MAPK12: variants seen among roughly 807,000 people sequenced by gnomAD.
MAPK12 encodes mitogen-activated protein kinase 12, also known as MAP kinase 12.
MAPK12 carries 49 observed loss-of-function variants against 49.1 expected under a neutral mutation model. The observed-to-expected ratio is 1.00, with a 90% CI of 0.79 to 1.27. The LOEUF is 1.27. Ranked by LOEUF, MAPK12 falls within the 50% of genes most tolerant of loss-of-function variation. MAPK12 has a pLI of 0.00. For missense variants in MAPK12, 554 were observed against 502.4 expected (o/e 1.10, Z -0.98); for synonymous variants, 251 against 209.7 (o/e 1.20, Z -1.70).
At chr22:50,256,533 G>A in intron 6 of MAPK12, 66 bp downstream of exon 6, 1 of 1,562,078 alleles carries the variant, frequency 6.4e-7, no homozygotes, top group Non-Finnish European at 8.7e-7. Context: ...CTGACAGGTG[G>A]ATAGATGGGC....
At chr22:50,258,026 AG>A (rs771068214) in intron 3 of MAPK12, 19 of 728,430 alleles carry the variant, frequency 2.6e-5, no homozygotes, top group Non-Finnish European at 4.1e-5. Flanking sequence ...GAGAGGCAGC[AG>A]CCCCAGCTCT....
chr22:50,253,502 G>GGGGGGGGGGGGGGGGGGGGGA, intron 11 of MAPK12, 22 bp from the exon 12 acceptor site: 1 of 171,684 alleles, frequency 5.8e-6, no homozygotes, highest in Non-Finnish European at 1.1e-5. Context: ...GGGGGGGCGG[G>GGGGGGGGGGGGGGGGGGGGGA]CACAACAGAG....
In MAPK12 at chr22:50,255,253, ACCTGGGG is replaced by A. The variant is rs750835246; in HGVS notation, c.961_967del (p.Pro321SerfsTer55). Reference sequence around the variant, plus strand: ...GTCAAAGGAGTCATCATACTTCTGGACCTGGGGCTCATCTTCCGTGTCGTGCAGGGAC... The same window carrying A: ...GTCAAAGGAGTCATCATACTTCTGGACTCATCTTCCGTGTCGTGCAGGGAC... On this transcript the variant is annotated frameshift_variant, in exon 11 of 12. Transcript: ENST00000215659. LOFTEE classifies it high-confidence loss of function. 1.4e-4 allele frequency: 222 copies of A among 1,613,776 alleles called. 1 individual carries two copies. In the Admixed American group the frequency reaches 3.7e-3, roughly 27 times the overall value.
intron 4 of MAPK12, 33 bp downstream of exon 4, chr22:50,257,049 C>T: frequency 6.2e-7 from 1 of 1,606,526 alleles, no homozygotes; most frequent in African/African-American, 1.3e-5. Flanking sequence ...GAGGCCCTGC[C>T]TGCCTCCCTG....
chr22:50,257,037 CCGAGGCCCTGCCT>C, intron 4 of MAPK12, 32 bp downstream of exon 4: 1 of 1,605,068 alleles, frequency 6.2e-7, no homozygotes, highest in South Asian at 1.1e-5. Context: ...CTGCCCAGCC[CCGAGGCCCTGCCT>C]GCCTCCCTGC....
intron 2 of MAPK12, among the ~76,000 whole-genome samples, chr22:50,258,859 G>A (rs544803824): frequency 1.6e-4 from 25 of 152,384 alleles, no homozygotes; most frequent in African/African-American, 6.0e-4. Flanking sequence ...ACAGCCAAGG[G>A]TGGAGGGGCA....
chr22:50,254,584 G>A (rs1309011343), intron 11 of MAPK12: 19 of 907,192 alleles, frequency 2.1e-5, no homozygotes, highest in Non-Finnish European at 2.5e-5. Flanking sequence ...CCCGGGAGAC[G>A]GAGCTTGCAG....
intron 2 of MAPK12, chr22:50,260,928 C>T: frequency 7.6e-6 from 3 of 394,830 alleles, no homozygotes; most frequent in Non-Finnish European, 1.4e-5. Context: ...GCTGAGGCGC[C>T]GAGTCAAGGG....
Position 50,261,564 on chromosome 22 carries a change from CG to C in MAPK12, c.-56del. 1 of 1,026,986 alleles carries C rather than the reference CG, an allele frequency of 9.7e-7. No homozygotes were observed. 63.6% of individuals were successfully genotyped at this position (1,026,986 alleles called of 1,614,324 possible). On this transcript the variant is annotated 5_prime_UTR_variant, in exon 1 of 12. Coordinates refer to ENST00000215659, the MANE Select transcript of MAPK12 (RefSeq NM_002969.6). ...AGCCTGCGGGCGGTGCCCCCACGACCGGGGACGGGGCTCCCTCGGCGCGCGC... is the reference window on the plus strand; with the variant it reads ...AGCCTGCGGGCGGTGCCCCCACGACCGGGACGGGGCTCCCTCGGCGCGCGC...
chr22:50,259,403 C>T (rs927731945), intron 2 of MAPK12, among the ~76,000 whole-genome samples: 3 of 152,110 alleles, frequency 2.0e-5, no homozygotes, highest in Non-Finnish European at 4.4e-5. Flanking sequence ...GGGAGGCGGC[C>T]TGGCAGGACT....
chr22:50,256,636 G>C lies in MAPK12; in HGVS notation c.467C>G (p.Pro156Arg), dbSNP rs1421021983. The part of the protein sequence containing the change: ...AAGIIHRDLK[P>R]GNLAVNEDCE... ...GTCTTCGTTCACAGCCAGGTTGCCG[G>C]GCTTCAGGTCCTGGGGGCAGAGGAA... Residue 156 changes from proline (P) to arginine (R), a missense_variant, in exon 6 of 12, where the codon CCC (proline) becomes CGC (arginine). Coordinates refer to ENST00000215659, the MANE Select transcript of MAPK12 (RefSeq NM_002969.6). 1 of 1,611,590 alleles carries C rather than the reference G, an allele frequency of 6.2e-7. No individual in the cohort carries two copies. The highest frequency in any genetic ancestry group is 1.7e-5 in the Admixed American group (1 of 59,856).
intron 11 of MAPK12, 124 bp downstream of exon 11, chr22:50,255,073 G>A (rs771617589): frequency 2.0e-6 from 3 of 1,521,446 alleles, no homozygotes; most frequent in Non-Finnish European, 2.6e-6. Flanking sequence ...GCCCTACCCG[G>A]AGCCCCCAAC....
At chr22:50,253,574 C>CG (rs1204488465) in intron 11 of MAPK12, 94 bp from the exon 12 acceptor site, 1 of 705,900 alleles carries the variant, frequency 1.4e-6, no homozygotes, top group Non-Finnish European at 2.6e-6. Context: ...GGCGGTGCCT[C>CG]GTGGGGCCCT....
chr22:50,259,634 G>A (rs1569143876), intron 2 of MAPK12, among the ~76,000 whole-genome samples: 1 of 152,166 alleles, frequency 6.6e-6, no homozygotes, highest in Non-Finnish European at 1.5e-5. Context: ...TGTAACCCCA[G>A]CACTTTGGGA....
intron 3 of MAPK12, among the ~76,000 whole-genome samples, 159 bp from the exon 4 acceptor site, chr22:50,257,352 C>T (rs1315882401): frequency 6.6e-6 from 1 of 152,226 alleles, no homozygotes; most frequent in East Asian, 1.9e-4. Context: ...GGTGTCCTCG[C>T]AGCCCCACCT....
chr22:50,258,309 G>A lies in MAPK12; in HGVS notation c.256-8C>T. 1.2e-6 allele frequency: 2 copies of A among 1,612,682 alleles called. No individual in the cohort carries two copies. Among genetic ancestry groups the A allele is most frequent in the Non-Finnish European group, 1.7e-6 (2 of 1,179,706 alleles). On this transcript the variant is annotated splice_polypyrimidine_tract_variant and splice_region_variant and intron_variant, in intron 2 of 11. Transcript: ENST00000215659. ...GTCCAGCAGCCCGATCACCTGGGGG[G>A]GCCACATAGGGTTGAGAATGCAGCA...
rs1330937971 is a variant in MAPK12, at chr22:50,253,457, T to G, written c.1048A>C (p.Ser350Arg). ...WKRVTYKEVL[S>R]FKPPRQLGAR... ...CCCAGCTGCCGGGGAGGCTTGAAGC[T>G]GAGCACCTCTTTGTAAGTAACACCT... Residue 350 changes from serine (S) to arginine (R), a missense_variant, in exon 12 of 12, where the codon AGC becomes CGC. Physicochemically the swap from Ser to Arg is moderately radical, Grantham distance 110. Coordinates refer to ENST00000215659, the MANE Select transcript of MAPK12 (RefSeq NM_002969.6). The G allele has an allele frequency of 6.3e-6, 8 of 1,261,230 alleles. No homozygotes were observed. The East Asian group carries it at 4.7e-4, about 74-fold the overall frequency. 78.1% of individuals were successfully genotyped at this position (1,261,230 alleles called of 1,614,324 possible). A position where few individuals can be genotyped will look rare whatever the true frequency, so the allele number is the denominator to read the frequency against.
At position 50,261,458 on chromosome 22, in the gene MAPK12, TG is replaced by T; in HGVS notation, c.51del (p.Lys18ArgfsTer69). On this transcript the variant is annotated frameshift_variant, in exon 1 of 12. Coordinates refer to ENST00000215659, the MANE Select transcript of MAPK12 (RefSeq NM_002969.6). LOFTEE classifies it high-confidence loss of function. Reference protein sequence around the residue: ...ARSGFYRQEVTKTAWEVRAVY... With the variant: ...ARSGFYRQEVXKTAWEVRAVY... ...ACGGCGCGCACCTCCCAGGCCGTCT[TG>T]GTCACCTCCTGGCGGTAAAAGCCAC... The T allele has an allele frequency of 7.8e-7, 1 of 1,284,100 alleles. No individual in the cohort carries two copies. Among genetic ancestry groups the T allele is most frequent in the Non-Finnish European group, 1.0e-6 (1 of 992,386 alleles). 79.5% of individuals were successfully genotyped at this position (1,284,100 alleles called of 1,614,324 possible).
Position 50,255,514 on chromosome 22 carries a change from C to T in MAPK12, c.789G>A (p.Lys263=), listed in dbSNP as rs775535820. ...LQSDEAKNYM[K]GLPELEKKDF... is the part of the protein sequence containing the mutation. ...CCTTCTTCTCCAATTCGGGGAGGCCCTTCATGTAGTTCTTGGCCTGTGTGG... is the reference window on the plus strand; with the variant it reads ...CCTTCTTCTCCAATTCGGGGAGGCCTTTCATGTAGTTCTTGGCCTGTGTGG... The change falls in exon 10 of 12, where the codon AAG becomes AAA. Residue 263 remains lysine, a synonymous_variant. Coordinates refer to ENST00000215659, the MANE Select transcript of MAPK12 (RefSeq NM_002969.6). 4.3e-6 allele frequency: 7 copies of T among 1,613,090 alleles called. No homozygotes were observed. In the African/African-American group the frequency reaches 6.7e-5, roughly 15 times the overall value.
Sources: gnomAD v4.1 joint callset for allele counts (sites outside exome capture counted in the v4.1 genomes callset) on GRCh38, gnomAD v4.1.1 for gene constraint, MANE v1.5 for transcripts, NCBI Gene and HGNC (gene_info 2026-07-23, HGNC 2026-07-21) for gene names.